Variants in PIP5K1B observed in about 807,000 individuals in gnomAD.
PIP5K1B encodes phosphatidylinositol-4-phosphate 5-kinase type 1 beta, also known as phosphatidylinositol 4-phosphate 5-kinase type-1 beta.
Under a neutral mutation model 67.0 loss-of-function variants are expected in PIP5K1B, and 42 were observed. The observed-to-expected ratio is 0.63, with a 90% CI of 0.49 to 0.81. The LOEUF is 0.81. PIP5K1B is among the 30% of genes least tolerant of loss of function. PIP5K1B has a pLI of 0.00. For synonymous variants in PIP5K1B, 214 were observed against 231.4 expected, an observed-to-expected ratio of 0.92 and a Z score of 0.68; for missense variants, 459 against 646.3, an observed-to-expected ratio of 0.71 and a Z score of 3.14.
intron 14 of PIP5K1B, among the ~76,000 whole-genome samples, chr9:68,987,025 G>A (rs1367201324): frequency 6.6e-6 from 1 of 152,008 alleles, no homozygotes; most frequent in Admixed American, 6.6e-5. Context: ...GGCTGAGGCG[G>A]GTGGATCACC....
In PIP5K1B at chr9:68,940,719, C is replaced by T. The variant is rs745764095; in HGVS notation, c.1431C>T (p.Thr477=). The T allele has an allele frequency of 6.2e-7, 1 of 1,613,974 alleles. No homozygotes were observed. The highest frequency in any genetic ancestry group is 1.1e-5 in the South Asian group (1 of 91,088). The change falls in exon 14 of 16, where the codon ACC becomes ACT. Residue 477 remains threonine, a synonymous_variant. Coordinates refer to ENST00000265382, the MANE Select transcript of PIP5K1B (RefSeq NM_003558.4). ...PSLFEAASLA[T]TISSSSLYVN... is the part of the protein sequence containing the mutation. ...TGTTTGAAGCTGCTTCCTTGGCAACCACAATTTCATCTTCTTCCTTATACG... is the reference window on the plus strand; with the variant it reads ...TGTTTGAAGCTGCTTCCTTGGCAACTACAATTTCATCTTCTTCCTTATACG...
intron 9 of PIP5K1B, among the ~76,000 whole-genome samples, 183 bp downstream of exon 9, chr9:68,917,942 C>T (rs72720071): frequency 8.9e-4 from 135 of 152,250 alleles, no homozygotes; most frequent in Non-Finnish European, 1.7e-3. Context: ...GTGGCAGTTT[C>T]TCCAGTTATT....
At chr9:68,745,919 G>T (rs1470017575) in intron 2 of PIP5K1B, among the ~76,000 whole-genome samples, 1 of 151,958 alleles carries the variant, frequency 6.6e-6, no homozygotes, top group Non-Finnish European at 1.5e-5. Flanking sequence ...CACATCAAAT[G>T]GTAAGCCCCA....
intron 12 of PIP5K1B, among the ~76,000 whole-genome samples, chr9:68,934,300 T>C (rs1030719438): frequency 1.3e-5 from 2 of 152,182 alleles, no homozygotes; most frequent in African/African-American, 2.4e-5. Context: ...GGAAGTGAAT[T>C]ATACGTCTGA....
intron 8 of PIP5K1B, among the ~76,000 whole-genome samples, chr9:68,914,870 C>T (rs1342585319): frequency 3.3e-5 from 5 of 152,084 alleles, no homozygotes; most frequent in Non-Finnish European, 7.4e-5. Flanking sequence ...GTAAGCAGGC[C>T]AGCAATACAG....
At chr9:68,773,208 T>C (rs2132428778) in intron 2 of PIP5K1B, among the ~76,000 whole-genome samples, 1 of 152,366 alleles carries the variant, frequency 6.6e-6, no homozygotes, top group Admixed American at 6.5e-5. Context: ...GTTAACTTTA[T>C]ACATTATCCA....
chr9:68,898,578 A>G (rs1038958743), intron 8 of PIP5K1B, among the ~76,000 whole-genome samples: 2 of 152,148 alleles, frequency 1.3e-5, no homozygotes, highest in African/African-American at 4.8e-5. Flanking sequence ...TCCTATTTGA[A>G]AACTGCTCAT....
intron 8 of PIP5K1B, among the ~76,000 whole-genome samples, chr9:68,910,593 A>C (rs2132481584): frequency 6.6e-6 from 1 of 152,344 alleles, no homozygotes; most frequent in East Asian, 1.9e-4. Context: ...ACTAAGTCAA[A>C]CCAGTCTTTG....
At chr9:68,989,545 CT>C (rs559288737) in intron 14 of PIP5K1B, among the ~76,000 whole-genome samples, 18,321 of 148,150 alleles carry the variant, frequency 0.12, 1,166 homozygotes, top group African/African-American at 0.14. Flanking sequence ...TCTCCATTTT[CT>C]TTTTTTTTTT....
intron 2 of PIP5K1B, among the ~76,000 whole-genome samples, chr9:68,806,534 A>C (rs2132006321): frequency 6.6e-6 from 1 of 152,310 alleles, no homozygotes; most frequent in Non-Finnish European, 1.5e-5. Flanking sequence ...AGAAGCCTTC[A>C]GCAGATGTTC....
At chr9:68,962,322 A>T (rs1423987991) in intron 14 of PIP5K1B, among the ~76,000 whole-genome samples, 1 of 152,212 alleles carries the variant, frequency 6.6e-6, no homozygotes, top group Non-Finnish European at 1.5e-5. Flanking sequence ...GTTATTTTTC[A>T]TATGCAAGTA....
At chr9:68,779,240 A>C (rs1831086723) in intron 2 of PIP5K1B, among the ~76,000 whole-genome samples, 1 of 152,200 alleles carries the variant, frequency 6.6e-6, no homozygotes, top group African/African-American at 2.4e-5. Context: ...TTCATTTTTA[A>C]AATGTGAGGA....
At chr9:68,888,625 T>A (rs62566871) in intron 6 of PIP5K1B, among the ~76,000 whole-genome samples, 18,166 of 152,224 alleles carry the variant, frequency 0.12, 1,144 homozygotes, top group Non-Finnish European at 0.14. Context: ...CACAGTGCAG[T>A]TCACATCTTC....
chr9:68,841,355 G>A (rs1367667932), intron 4 of PIP5K1B, among the ~76,000 whole-genome samples: 2 of 152,188 alleles, frequency 1.3e-5, no homozygotes, highest in East Asian at 3.8e-4. Flanking sequence ...GGATTATTAT[G>A]CATCTCCCAC....
intron 8 of PIP5K1B, among the ~76,000 whole-genome samples, chr9:68,915,341 G>C (rs7018854): frequency 0.2 from 30,733 of 151,942 alleles, 3,662 homozygotes; most frequent in African/African-American, 0.33. Flanking sequence ...GGGTACTGTT[G>C]CCAAGCCATC....
At chr9:68,815,083 TA>T (rs1379348806) in intron 2 of PIP5K1B, among the ~76,000 whole-genome samples, 1 of 152,024 alleles carries the variant, frequency 6.6e-6, no homozygotes, top group Non-Finnish European at 1.5e-5. Flanking sequence ...TAATAATAAG[TA>T]AAATGTAAAT....
intron 8 of PIP5K1B, among the ~76,000 whole-genome samples, chr9:68,908,368 TAC>T (rs1175216338): frequency 6.6e-6 from 1 of 151,226 alleles, no homozygotes; most frequent in South Asian, 2.1e-4. Flanking sequence ...CACACACACA[TAC>T]ACACACATTA....
At chr9:68,716,093 G>T (rs1827621313) in intron 1 of PIP5K1B, among the ~76,000 whole-genome samples, 1 of 152,178 alleles carries the variant, frequency 6.6e-6, no homozygotes, top group African/African-American at 2.4e-5. Flanking sequence ...TTAAAAATTA[G>T]AATTGTAAAA....
chr9:68,897,549 G>A (rs1825150686), intron 8 of PIP5K1B, among the ~76,000 whole-genome samples: 1 of 152,210 alleles, frequency 6.6e-6, no homozygotes, highest in African/African-American at 2.4e-5. Flanking sequence ...AGCACAATGT[G>A]TTCCGGGAGC....
Sources: gnomAD v4.1 joint callset for allele counts (sites outside exome capture counted in the v4.1 genomes callset) on GRCh38, gnomAD v4.1.1 for gene constraint, MANE v1.5 for transcripts, NCBI Gene and HGNC (gene_info 2026-07-23, HGNC 2026-07-21) for gene names.